Variants in RIPOR2 observed in about 807,000 individuals in gnomAD.
RIPOR2 encodes rho family-interacting cell polarization regulator 2.
RIPOR2 carries 39 observed loss-of-function variants against 114.5 expected under a neutral mutation model. The ratio of observed to expected loss-of-function variants is 0.34; its 90% CI spans 0.26 to 0.44. The LOEUF (loss-of-function observed/expected upper bound fraction) is 0.44, where lower values mean the gene tolerates loss of function less well. Ranked by LOEUF, RIPOR2 falls within the 20% of genes least tolerant of loss-of-function variation. RIPOR2 has a pLI of 1.00. For missense variants in RIPOR2, 1,007 were observed against 1,255.1 expected (o/e 0.80, Z 2.99); for synonymous variants, 445 against 484.4 (o/e 0.92, Z 1.07).
chr6:24,910,525 G>C (rs932675376), intron 1 of RIPOR2: 3 of 152,322 alleles, frequency 2.0e-5, no homozygotes, highest in African/African-American at 7.2e-5. Flanking sequence ...CCAACCCCGG[G>C]CAATGCTGTG....
chr6:24,997,630 T>C (rs918094210), intron 1 of RIPOR2, among the ~76,000 whole-genome samples: 1 of 152,172 alleles, frequency 6.6e-6, no homozygotes, highest in Non-Finnish European at 1.5e-5. Flanking sequence ...CACTCCTCAC[T>C]TCCTACTGCC....
intron 19 of RIPOR2, among the ~76,000 whole-genome samples, chr6:24,820,381 T>A (rs1338086906): frequency 1.3e-5 from 2 of 152,236 alleles, no homozygotes; most frequent in Non-Finnish European, 2.9e-5. Flanking sequence ...ATTGAAAATA[T>A]AATTTATATA....
At chr6:24,864,985 T>C (rs1764436765) in intron 7 of RIPOR2, among the ~76,000 whole-genome samples, 1 of 152,178 alleles carries the variant, frequency 6.6e-6, no homozygotes, top group African/African-American at 2.4e-5. Flanking sequence ...CCTCGCTCTG[T>C]CACCCAGGCT....
At chr6:24,904,158 A>G (rs984696612) in intron 1 of RIPOR2, among the ~76,000 whole-genome samples, 1 of 152,216 alleles carries the variant, frequency 6.6e-6, no homozygotes, top group Non-Finnish European at 1.5e-5. Context: ...AATTGCCACA[A>G]TTTTACTGGC....
At chr6:24,874,162 C>T (rs1032684958) in intron 2 of RIPOR2, among the ~76,000 whole-genome samples, 1 of 152,056 alleles carries the variant, frequency 6.6e-6, no homozygotes, top group Non-Finnish European at 1.5e-5. Context: ...TCCCGAGGTA[C>T]TGGGACCACA....
exon 1 of RIPOR2, chr6:25,041,896 T>C (rs1777472184): frequency 1.4e-6 from 1 of 702,990 alleles, no homozygotes; most frequent in African/African-American, 1.7e-5. Context: ...GGCCTGTTTC[T>C]GATCCAGTGT....
chr6:25,008,161 T>A (rs1216651370), intron 1 of RIPOR2, among the ~76,000 whole-genome samples: 2 of 152,096 alleles, frequency 1.3e-5, no homozygotes, highest in African/African-American at 2.4e-5. Context: ...TCTCTAGAAC[T>A]GCATGGTGAA....
chr6:24,895,783 G>A (rs756072829), intron 1 of RIPOR2, among the ~76,000 whole-genome samples: 2 of 152,130 alleles, frequency 1.3e-5, no homozygotes, highest in African/African-American at 4.8e-5. Flanking sequence ...GAGGTCAGGA[G>A]ATCAAGACCA....
At chr6:24,970,062 G>C (rs943515113) in intron 1 of RIPOR2, among the ~76,000 whole-genome samples, 3 of 152,078 alleles carry the variant, frequency 2.0e-5, no homozygotes, top group Non-Finnish European at 4.4e-5. Context: ...AGAGGCAAGA[G>C]GACTCTGAAG....
At chr6:24,874,055 G>A (rs1413550753) in intron 2 of RIPOR2, among the ~76,000 whole-genome samples, 1 of 151,670 alleles carries the variant, frequency 6.6e-6, no homozygotes, top group Non-Finnish European at 1.5e-5. Context: ...TAAAGAGAGG[G>A]GGTCTCAGTT....
intron 1 of RIPOR2, among the ~76,000 whole-genome samples, chr6:25,040,423 T>C (rs1288690476): frequency 2.0e-5 from 3 of 151,848 alleles, no homozygotes; most frequent in Non-Finnish European, 2.9e-5. Context: ...GCCTGTGTGA[T>C]GGACTTCTAA....
At position 24,985,581 on chromosome 6, in the gene RIPOR2, G is replaced by A. The variant is rs149664467; in HGVS notation, c.76+56270C>T. ...CTTGCCCTGACATGTTCTTCATGAGGTGATGACAGGGACATTGACAGGATG... is the reference window on the plus strand; with the variant it reads ...CTTGCCCTGACATGTTCTTCATGAGATGATGACAGGGACATTGACAGGATG... On this transcript the variant is annotated intron_variant, in intron 1 of 13. Transcript: ENST00000510784. Among the ~76,000 whole-genome samples the A allele has an allele frequency of 2.5e-4, 38 of 152,232 alleles. No homozygotes were observed. The East Asian group carries it at 7.2e-3, about 29-fold the overall frequency.
At chr6:24,842,084 G>A (rs1486233505) in intron 13 of RIPOR2, among the ~76,000 whole-genome samples, 1 of 152,186 alleles carries the variant, frequency 6.6e-6, no homozygotes, top group Non-Finnish European at 1.5e-5. Context: ...ATATAAATCA[G>A]AGCAGCAAAG....
intron 1 of RIPOR2, among the ~76,000 whole-genome samples, chr6:25,008,387 C>G (rs1028709885): frequency 1.3e-5 from 2 of 152,068 alleles, no homozygotes; most frequent in Non-Finnish European, 2.9e-5. Flanking sequence ...AAAAGGGTCC[C>G]CATAAGAGGG....
chr6:24,925,846 A>G (rs1370636074), intron 1 of RIPOR2, among the ~76,000 whole-genome samples: 1 of 152,148 alleles, frequency 6.6e-6, no homozygotes, highest in Non-Finnish European at 1.5e-5. Context: ...CTCACAGAGG[A>G]TTGATTCTAT....
At chr6:24,819,966 G>T (rs1211645186) in intron 19 of RIPOR2, among the ~76,000 whole-genome samples, 1 of 151,930 alleles carries the variant, frequency 6.6e-6, no homozygotes, top group Non-Finnish European at 1.5e-5. Flanking sequence ...ACTAACTTTT[G>T]ATTTTGTTGG....
Position 24,842,929 on chromosome 6 carries a change from T to A in RIPOR2, c.1790A>T (p.His597Leu). Residue 597 changes from histidine (H) to leucine (L), a missense_variant, in exon 13 of 22, where the codon CAT becomes CTT. By Grantham distance (99) the His-to-Leu change is moderately conservative (BLOSUM62 -3). Transcript: ENST00000643898. ...FNGLLLALEP[H>L]KEQYKEFQDL... ...CTGAAACTCTTTATACTGCTCTTTATGTGGTTCTAATGCAAGTAAAAGCCC... is the reference window on the plus strand; with the variant it reads ...CTGAAACTCTTTATACTGCTCTTTAAGTGGTTCTAATGCAAGTAAAAGCCC... The A allele has an allele frequency of 6.6e-7, 1 of 1,513,746 alleles. No individual in the cohort carries two copies. Among genetic ancestry groups the A allele is most frequent in the Non-Finnish European group, 8.8e-7 (1 of 1,131,630 alleles). The allele number at this position is 1,513,746 out of a possible 1,614,324, so 93.8% of individuals were successfully genotyped here. A position where few individuals can be genotyped will look rare whatever the true frequency, so the allele number is the denominator to read the frequency against.
chr6:24,945,666 A>G (rs614837), intron 1 of RIPOR2, among the ~76,000 whole-genome samples: 7,701 of 152,276 alleles, frequency 0.051, 331 homozygotes, highest in African/African-American at 0.11. Flanking sequence ...TTGAAATTAA[A>G]GTGGTATTAA....
chr6:24,879,213 G>A (rs1249906496), intron 1 of RIPOR2, among the ~76,000 whole-genome samples: 3 of 151,998 alleles, frequency 2.0e-5, no homozygotes, highest in Non-Finnish European at 2.9e-5. Flanking sequence ...GGTGGCTGGC[G>A]CCTGTAATCC....
Sources: allele counts gnomAD v4.1 joint callset (sites outside exome capture counted in the v4.1 genomes callset), GRCh38; gene constraint gnomAD v4.1.1; transcripts MANE v1.5; gene names NCBI Gene and HGNC (gene_info 2026-07-23, HGNC 2026-07-21).